CCDC63: variants seen among roughly 807,000 people sequenced by gnomAD.
The protein encoded by CCDC63 is coiled-coil domain containing 63.
CCDC63 carries 54 observed loss-of-function variants against 63.6 expected under a neutral mutation model. That is an observed-to-expected ratio of 0.85 (90% confidence interval 0.68 to 1.07). CCDC63 has a LOEUF of 1.07. Ranked by LOEUF, CCDC63 falls within the 50% of genes least tolerant of loss-of-function variation. The pLI, the probability that CCDC63 is intolerant of heterozygous loss-of-function variation, is 0.00. For synonymous variants in CCDC63, 253 were observed against 266.1 expected (o/e 0.95, Z 0.48); for missense variants, 637 against 689.6 (o/e 0.92, Z 0.86).
At chr12:110,872,465 G>C (rs1235430161) in intron 4 of CCDC63, among the ~76,000 whole-genome samples, 3 of 151,580 alleles carry the variant, frequency 2.0e-5, no homozygotes, top group African/African-American at 7.3e-5. Context: ...GGCTGTGCTG[G>C]TGACGTGATT....
intron 5 of CCDC63, among the ~76,000 whole-genome samples, chr12:110,875,726 T>A (rs1015657711): frequency 6.6e-6 from 1 of 152,160 alleles, no homozygotes; most frequent in Non-Finnish European, 1.5e-5. Context: ...TTCTGAGAGG[T>A]CTGTTTTTTG....
intron 5 of CCDC63, among the ~76,000 whole-genome samples, chr12:110,879,151 T>C (rs1433717292): frequency 6.6e-6 from 1 of 152,230 alleles, no homozygotes; most frequent in Non-Finnish European, 1.5e-5. Context: ...ATGAATAATA[T>C]TTCCATAATA....
intron 9 of CCDC63, among the ~76,000 whole-genome samples, chr12:110,894,148 C>A (rs1044951401): frequency 6.6e-6 from 1 of 152,132 alleles, no homozygotes; most frequent in Non-Finnish European, 1.5e-5. Flanking sequence ...TGCATCGTAG[C>A]TGCCATAGAT....
upstream of CCDC63, among the ~76,000 whole-genome samples, chr12:110,845,171 A>G (rs2070624466): frequency 6.6e-6 from 1 of 152,178 alleles, no homozygotes; most frequent in African/African-American, 2.4e-5. Flanking sequence ...AAAGAGAGTA[A>G]ATTCGTCGGA....
chr12:110,905,890 A>AATATTATATATAATATTATATATAATAT (rs2071555937), intron 11 of CCDC63, among the ~76,000 whole-genome samples: 1 of 11,434 alleles, frequency 8.7e-5, no homozygotes, highest in Non-Finnish European at 1.8e-4. Context: ...GTATATATAT[A>AATATTATATATAATATTATATATAATAT]ATATTATATA....
chr12:110,873,066 T>A (rs2071086451), intron 4 of CCDC63, among the ~76,000 whole-genome samples: 1 of 152,158 alleles, frequency 6.6e-6, no homozygotes, highest in Admixed American at 6.5e-5. Context: ...AAACCCCATC[T>A]GTACTAAAAA....
chr12:110,858,396 A>G, intron 3 of CCDC63, among the ~76,000 whole-genome samples, 190 bp from the exon 4 acceptor site: 1 of 152,132 alleles, frequency 6.6e-6, no homozygotes, highest in Non-Finnish European at 1.5e-5. Flanking sequence ...GCAGGAAATC[A>G]TGGTGAACCA....
chr12:110,844,612 A>G (rs1275343452), upstream of CCDC63, among the ~76,000 whole-genome samples: 1 of 152,210 alleles, frequency 6.6e-6, no homozygotes, highest in African/African-American at 2.4e-5. Flanking sequence ...TTCTGGGAGA[A>G]TGCTATGCAC....
At chr12:110,875,555 A>C (rs79905945) in intron 5 of CCDC63, among the ~76,000 whole-genome samples, 1 of 151,684 alleles carries the variant, frequency 6.6e-6, no homozygotes, top group Non-Finnish European at 1.5e-5. Flanking sequence ...TTCTAAGTCT[A>C]TTCAGATGTT....
chr12:110,850,214 G>A (rs2070688964), intron 1 of CCDC63, among the ~76,000 whole-genome samples: 1 of 152,216 alleles, frequency 6.6e-6, no homozygotes, highest in Non-Finnish European at 1.5e-5. Context: ...AGAAAGGATG[G>A]AAAGGTCACA....
At chr12:110,848,359 G>C (rs550897543) in intron 1 of CCDC63, among the ~76,000 whole-genome samples, 1 of 152,142 alleles carries the variant, frequency 6.6e-6, no homozygotes, top group Non-Finnish European at 1.5e-5. Context: ...TGCTCTGCAG[G>C]CCAAGCTATG....
intron 4 of CCDC63, among the ~76,000 whole-genome samples, chr12:110,863,182 AC>A (rs1317206890): frequency 1.3e-5 from 2 of 151,840 alleles, no homozygotes; most frequent in African/African-American, 4.9e-5. Context: ...CAGAAGGGAC[AC>A]CAAAGTAGAG....
At chr12:110,897,673 C>CATACGT (rs1304229053) in intron 9 of CCDC63, among the ~76,000 whole-genome samples, 1 of 150,958 alleles carries the variant, frequency 6.6e-6, no homozygotes, top group Non-Finnish European at 1.5e-5. Context: ...ACATACACAA[C>CATACGT]ATACGTATGT....
chr12:110,870,631 T>C (rs928582231), intron 4 of CCDC63, among the ~76,000 whole-genome samples: 1 of 152,144 alleles, frequency 6.6e-6, no homozygotes, highest in Admixed American at 6.5e-5. Flanking sequence ...AGATGTCCCA[T>C]TGCCCTTCTA....
chr12:110,894,521 C>A (rs980880796), intron 9 of CCDC63, among the ~76,000 whole-genome samples: 44 of 152,282 alleles, frequency 2.9e-4, no homozygotes, highest in Non-Finnish European at 5.6e-4. Flanking sequence ...ACAGGGATGG[C>A]CGCCAGGGTG....
intron 2 of CCDC63, 118 bp downstream of exon 2, chr12:110,853,081 T>G: frequency 1.8e-6 from 2 of 1,141,880 alleles, no homozygotes; most frequent in Non-Finnish European, 2.6e-6. Context: ...ACCCATTTTG[T>G]AGGTGGGAGG....
chr12:110,865,487 AAAG>A (rs1170648734), intron 4 of CCDC63, among the ~76,000 whole-genome samples: 2 of 151,568 alleles, frequency 1.3e-5, no homozygotes, highest in African/African-American at 2.4e-5. Context: ...AAAAAAGAAA[AAAG>A]AAAAAGAAGA....
chr12:110,898,540 C>T (rs780565641), intron 9 of CCDC63, among the ~76,000 whole-genome samples: 7 of 150,308 alleles, frequency 4.7e-5, no homozygotes, highest in Non-Finnish European at 1.0e-4. Flanking sequence ...ATTGCTTGAA[C>T]CTGGGAGGCA....
intron 3 of CCDC63, among the ~76,000 whole-genome samples, chr12:110,855,567 T>G (rs991027955): frequency 1.3e-5 from 2 of 152,088 alleles, no homozygotes; most frequent in Admixed American, 6.6e-5. Flanking sequence ...GTGGAGAGTT[T>G]AGGTTCTTAT....
Sources: allele counts gnomAD v4.1 joint callset (sites outside exome capture counted in the v4.1 genomes callset), GRCh38; gene constraint gnomAD v4.1.1; transcripts MANE v1.5; gene names NCBI Gene and HGNC (gene_info 2026-07-23, HGNC 2026-07-21).